SNCAIP: variants seen among roughly 807,000 people sequenced by gnomAD.
The protein encoded by SNCAIP is synphilin-1.
In SNCAIP, 43 loss-of-function variants were observed where a neutral mutation model predicts 86.7. The observed-to-expected ratio is 0.50, with a 90% CI of 0.39 to 0.64. The LOEUF (loss-of-function observed/expected upper bound fraction) is 0.64. SNCAIP is among the 30% of genes least tolerant of loss of function. The pLI is 0.00. For missense variants in SNCAIP, 981 were observed against 1,103.1 expected (o/e 0.89, Z 1.57); for synonymous variants, 417 against 427.2 (o/e 0.98, Z 0.29).
At chr5:122,339,458 C>T (rs1158810778) in intron 1 of SNCAIP, among the ~76,000 whole-genome samples, 1 of 152,144 alleles carries the variant, frequency 6.6e-6, no homozygotes, top group Admixed American at 6.6e-5. Context: ...TATAGTAACC[C>T]TCCAGTTTTT....
intron 1 of SNCAIP, among the ~76,000 whole-genome samples, chr5:122,348,816 G>A (rs756220132): frequency 6.6e-4 from 100 of 152,188 alleles, no homozygotes; most frequent in Non-Finnish European, 1.2e-3. Context: ...AATTGATGAC[G>A]TTTTTGAGTA....
At chr5:122,428,922 T>C (rs775132713) in intron 5 of SNCAIP, among the ~76,000 whole-genome samples, 2 of 152,082 alleles carry the variant, frequency 1.3e-5, no homozygotes, top group Non-Finnish European at 1.5e-5. Flanking sequence ...GGATATGAAC[T>C]CATCCTTTTT....
At chr5:122,359,293 GAGTA>G (rs1162929640) in intron 1 of SNCAIP, among the ~76,000 whole-genome samples, 2 of 151,628 alleles carry the variant, frequency 1.3e-5, no homozygotes, top group African/African-American at 4.8e-5. Context: ...TTACATTTTT[GAGTA>G]AGTTTTATAT....
chr5:122,384,132 T>C (rs1011694238), intron 1 of SNCAIP, among the ~76,000 whole-genome samples: 24 of 152,194 alleles, frequency 1.6e-4, no homozygotes, highest in African/African-American at 5.8e-4. Context: ...CTGACCTAGA[T>C]GGTTCAAAGA....
chr5:122,316,322 C>T (rs1044972648), intron 1 of SNCAIP, among the ~76,000 whole-genome samples: 3 of 152,110 alleles, frequency 2.0e-5, no homozygotes, highest in Non-Finnish European at 4.4e-5. Context: ...AAGAGAACAC[C>T]TTTGACTTAA....
chr5:122,365,321 T>C (rs993130253), intron 1 of SNCAIP, among the ~76,000 whole-genome samples: 1 of 152,226 alleles, frequency 6.6e-6, no homozygotes, highest in Non-Finnish European at 1.5e-5. Flanking sequence ...AGACTTTTTC[T>C]ATAGTACCAG....
intron 4 of SNCAIP, among the ~76,000 whole-genome samples, chr5:122,423,955 T>C (rs1384941258): frequency 1.3e-5 from 2 of 152,224 alleles, no homozygotes; most frequent in African/African-American, 2.4e-5. Flanking sequence ...GAGTGTTATT[T>C]CATTTTAACT....
chr5:122,388,840 A>T (rs566287685), intron 1 of SNCAIP: 1 of 152,356 alleles, frequency 6.6e-6, no homozygotes, highest in East Asian at 1.9e-4. Context: ...CTTAAAGGAG[A>T]TAGCATGTGG....
At chr5:122,372,155 TG>T (rs1764402169) in intron 1 of SNCAIP, among the ~76,000 whole-genome samples, 2 of 152,188 alleles carry the variant, frequency 1.3e-5, no homozygotes, top group Non-Finnish European at 2.9e-5. Context: ...CTGAAAGGGC[TG>T]ATCAATACCA....
In SNCAIP at chr5:122,433,112, A is replaced by AGTGTGTGTGT. The variant is rs34711914; in HGVS notation, c.1296+1057_1296+1066dup. Among the ~76,000 whole-genome samples the AGTGTGTGTGT allele has an allele frequency of 3.5e-3, 513 of 147,812 alleles. 4 individuals are homozygous for AGTGTGTGTGT. The highest frequency in any genetic ancestry group is 9.0e-3 in the African/African-American group (358 of 39,916). ...ATTTTGTGCTGTGGTAACTTCTAGT[A>AGTGTGTGTGT]GTGTGTGTGTGTGTGTGTGTGTGTG... On this transcript the variant is annotated intron_variant, in intron 6 of 10. Transcript: ENST00000261368.
At chr5:122,354,849 T>C (rs1310760191) in intron 1 of SNCAIP, among the ~76,000 whole-genome samples, 1 of 152,210 alleles carries the variant, frequency 6.6e-6, no homozygotes. Context: ...ATATGAGCCA[T>C]ATTTTGTATT....
At chr5:122,424,457 A>G (rs1476515169) in intron 4 of SNCAIP, among the ~76,000 whole-genome samples, 2 of 152,204 alleles carry the variant, frequency 1.3e-5, no homozygotes, top group Admixed American at 1.3e-4. Flanking sequence ...GGCTCGTACT[A>G]TGATGCTAAT....
chr5:122,351,536 C>CAAAAAAAAA (rs541191012), intron 1 of SNCAIP, among the ~76,000 whole-genome samples: 371 of 36,510 alleles, frequency 0.01, 47 homozygotes, highest in African/African-American at 0.02. Flanking sequence ...GACTCTGTAT[C>CAAAAAAAAA]AAAAAAAAAA....
chr5:122,437,331 G>A (rs1234198740), intron 6 of SNCAIP: 1 of 152,168 alleles, frequency 6.6e-6, no homozygotes, highest in Non-Finnish European at 1.5e-5. Flanking sequence ...ATCAGGGCAG[G>A]ATTTGTCTGT....
chr5:122,460,810 C>T (rs1007018062), intron 10 of SNCAIP, among the ~76,000 whole-genome samples: 1 of 152,120 alleles, frequency 6.6e-6, no homozygotes, highest in African/African-American at 2.4e-5. Flanking sequence ...TCTTTTAGCA[C>T]CCTCAGACAG....
At position 122,314,221 on chromosome 5, in the gene SNCAIP, G is replaced by C. The variant is rs759245460; in HGVS notation, c.-47+1937G>C. Among the ~76,000 whole-genome samples, 118 of 152,182 alleles carry C rather than the reference G, an allele frequency of 7.8e-4. 1 individual carries two copies. The highest frequency in any genetic ancestry group is 2.5e-4 in the Non-Finnish European group (17 of 68,034). The stretch of plus-strand genomic sequence containing the variant: ...GAAGAAATTGTAGCAGTACTTTACT[G>C]CTCTTAAGGGAAACCCACACAAACA... On this transcript the variant is annotated intron_variant, in intron 1 of 10. Transcript: ENST00000261368.
At chr5:122,420,475 G>A (rs1776155414) in intron 3 of SNCAIP, among the ~76,000 whole-genome samples, 1 of 152,078 alleles carries the variant, frequency 6.6e-6, no homozygotes, top group Non-Finnish European at 1.5e-5. Context: ...ATTACATTCT[G>A]AGATGCACAT....
chr5:122,425,140 A>G (rs1381540823), intron 4 of SNCAIP, among the ~76,000 whole-genome samples: 1 of 152,212 alleles, frequency 6.6e-6, no homozygotes, highest in Non-Finnish European at 1.5e-5. Context: ...CCCTGTTGCC[A>G]TGTCTCGTAT....
chr5:122,383,914 G>T (rs981443878), intron 1 of SNCAIP, among the ~76,000 whole-genome samples: 1 of 152,188 alleles, frequency 6.6e-6, no homozygotes, highest in Non-Finnish European at 1.5e-5. Context: ...ACTGGCTATG[G>T]AATATGTTGT....
Sources: allele counts gnomAD v4.1 joint callset (sites outside exome capture counted in the v4.1 genomes callset), GRCh38; gene constraint gnomAD v4.1.1; transcripts MANE v1.5; gene names NCBI Gene and HGNC (gene_info 2026-07-23, HGNC 2026-07-21).